FADS6: variants seen among roughly 807,000 people sequenced by gnomAD.
FADS6 encodes fatty acid desaturase domain family, member 6.
A neutral mutation model predicts 31.7 loss-of-function variants in FADS6; 28 were observed. The observed-to-expected ratio is 0.88, with a 90% CI of 0.66 to 1.21. The LOEUF is 1.21. FADS6 is among the 50% of genes most tolerant of loss of function. FADS6 has a pLI of 0.00. For missense variants in FADS6, 494 were observed against 504.2 expected (o/e 0.98, Z 0.19); for synonymous variants, 191 against 213.1 (o/e 0.90, Z 0.90).
Position 74,877,928 on chromosome 17 carries a change from G to A in FADS6, c.*403C>T. 3.0e-6 allele frequency: 3 copies of A among 995,134 alleles called. No homozygotes were observed. The highest frequency in any genetic ancestry group is 3.6e-6 in the Non-Finnish European group (3 of 836,760). The allele number at this position is 995,134 out of a possible 1,614,324, so 61.6% of individuals were successfully genotyped here. A position where few individuals can be genotyped will look rare whatever the true frequency, so the allele number is the denominator to read the frequency against. Reference sequence around the variant, plus strand: ...AATGCCAGGGAGGTCCCAGCCGAGGGAGCTGACCCTGTTCTCTCTGTGCCC... The same window carrying A: ...AATGCCAGGGAGGTCCCAGCCGAGGAAGCTGACCCTGTTCTCTCTGTGCCC... On this transcript the variant is annotated 3_prime_UTR_variant, in exon 6 of 6. Coordinates refer to ENST00000612771, the MANE Select transcript of FADS6 (RefSeq NM_178128.6).
At chr17:74,876,869 G>C (rs552704935), downstream of FADS6, among the ~76,000 whole-genome samples, 36 of 152,064 alleles carry the variant, frequency 2.4e-4, no homozygotes, top group Admixed American at 1.3e-3. Context: ...CTCCTTCTCT[G>C]TCTCTCCCTC....
chr17:74,888,317 TAAAA>T, intron 2 of FADS6, among the ~76,000 whole-genome samples: 1 of 152,200 alleles, frequency 6.6e-6, no homozygotes, highest in East Asian at 1.9e-4. Flanking sequence ...ATTTTAAAAA[TAAAA>T]AAGCTTTTAC....
In FADS6 at chr17:74,893,610, C is replaced by CCGTGGGTTCCAT; in HGVS notation, c.-16_-15insATGGAACCCACG. The CCGTGGGTTCCAT allele has an allele frequency of 7.5e-7, 1 of 1,332,724 alleles. No individual in the cohort carries two copies. Among genetic ancestry groups the CCGTGGGTTCCAT allele is most frequent in the Non-Finnish European group, 9.7e-7 (1 of 1,033,068 alleles). The allele number at this position is 1,332,724 out of a possible 1,614,324, so 82.6% of individuals were successfully genotyped here. On this transcript the variant is annotated 5_prime_UTR_variant, in exon 1 of 6. In the 5' UTR this introduces an upstream ATG that the reference lacks. Transcript: ENST00000612771. ...GTGGGTTCCATGGACTCTGTGGGCT[C>CCGTGGGTTCCAT]GGGCCCGACGCGCACGGAGGACTGG...
rs145096183 is a variant in FADS6 at position 74,878,426 on chromosome 17, C to A, written c.1012G>T (p.Glu338Ter). The A allele has an allele frequency of 3.1e-6, 5 of 1,613,904 alleles. No individual in the cohort carries two copies. In the African/African-American group the frequency reaches 5.3e-5, roughly 17 times the overall value. Residue 338 changes from glutamate to a stop codon, truncating the protein, a stop_gained, in exon 6 of 6, where the codon GAG (glutamate) becomes TAG (stop). Coordinates refer to ENST00000612771, the MANE Select transcript of FADS6 (RefSeq NM_178128.6). LOFTEE classifies it high-confidence loss of function. The stretch of plus-strand genomic sequence containing the variant: ...TGGAAGCGAGCCAGGTATGAGTCCT[C>A]GTTGTACGGTAGCTGCTTCTCACGT... ...FLREKQLPYN[E>*]DSYLARFQLF...
In FADS6 at chr17:74,882,569, G is replaced by C; in HGVS notation, c.553C>G (p.Pro185Ala). The C allele has an allele frequency of 1.2e-6, 2 of 1,612,320 alleles. No individual in the cohort carries two copies. Among genetic ancestry groups the C allele is most frequent in the Admixed American group, 1.7e-5 (1 of 59,840 alleles). ...GGAGTGGCGATGGGGAGGAGGAAAG[G>C]AGCAAGGAACATGTAGACATAGCGG... ...LNRYVYMFLA[P>A]FLLPIATPLV... Residue 185 changes from proline to alanine, a missense_variant, in exon 3 of 6, where the codon CCT becomes GCT. Physicochemically the swap from Pro to Ala is conservative, Grantham distance 27. Around this residue, in one of 2 missense-constraint regions of FADS6, gnomAD observed 454 missense variants for 438.5 expected, o/e 1.04. Coordinates refer to ENST00000612771, the MANE Select transcript of FADS6 (RefSeq NM_178128.6).
At chr17:74,876,600 C>T (rs547079071), downstream of FADS6, among the ~76,000 whole-genome samples, 54 of 152,204 alleles carry the variant, frequency 3.5e-4, no homozygotes, top group Admixed American at 7.9e-4. Context: ...AGTTCGAGAC[C>T]AGCTTGGGCA....
chr17:74,876,754 G>A (rs2144699482), downstream of FADS6, among the ~76,000 whole-genome samples: 1 of 152,190 alleles, frequency 6.6e-6, no homozygotes, highest in Non-Finnish European at 1.5e-5. Flanking sequence ...CTGAGATCAT[G>A]CCACTGCACT....
rs202243706 is a variant in FADS6, at chr17:74,881,100, C to T, written c.748G>A (p.Ala250Thr). The T allele has an allele frequency of 1.9e-4, 303 of 1,613,450 alleles. No individual in the cohort carries two copies. Among genetic ancestry groups the T allele is most frequent in the South Asian group, 2.5e-4 (23 of 90,992 alleles). Residue 250 changes from alanine to threonine, a missense_variant, in exon 4 of 6, where the codon GCC becomes ACC. Ala to Thr is a moderately conservative substitution (Grantham distance 58). Coordinates refer to ENST00000612771, the MANE Select transcript of FADS6 (RefSeq NM_178128.6). ...GCMFLTRSLL[A>T]HPYLHVNIFQ... ...ATGTTGACGTGGAGGTAGGGGTGGG[C>T]CAACAGGGATCTGGTGAGGAACATG...
chr17:74,877,671 A>T lies in FADS6; in HGVS notation c.*660T>A, dbSNP rs1006899743. ...CTTTCCCTAACTCTGTCCCTGGGGA[A>T]CCTTCTCCCCTCACTTCCCCTGGAG... On this transcript the variant is annotated 3_prime_UTR_variant, in exon 6 of 6. Coordinates refer to ENST00000612771, the MANE Select transcript of FADS6 (RefSeq NM_178128.6). 1.0e-6 allele frequency: 1 copy of T among 981,136 alleles called. No homozygotes were observed. The highest frequency in any genetic ancestry group is 6.2e-5 in the Admixed American group (1 of 16,242). 60.8% of individuals were successfully genotyped at this position (981,136 alleles called of 1,614,324 possible).
At chr17:74,883,574 C>G (rs545082283) in intron 2 of FADS6, among the ~76,000 whole-genome samples, 1 of 152,336 alleles carries the variant, frequency 6.6e-6, no homozygotes, top group Admixed American at 6.5e-5. Flanking sequence ...GCCCTTCACT[C>G]GCACACTTCC....
rs145734041 is a variant in FADS6, at chr17:74,890,280, G to C, written c.411+2243C>G. On this transcript the variant is annotated intron_variant, in intron 2 of 5. Coordinates refer to ENST00000612771, the MANE Select transcript of FADS6 (RefSeq NM_178128.6). Reference sequence around the variant, plus strand: ...CGCCGCCACCCTGTGTGGCAGACAAGACCAGCACCCTCCTCCAGCAGTGCA... The same window carrying C: ...CGCCGCCACCCTGTGTGGCAGACAACACCAGCACCCTCCTCCAGCAGTGCA... Among the ~76,000 whole-genome samples the C allele has an allele frequency of 2.6e-5, 4 of 152,268 alleles. No individual in the cohort carries two copies. The East Asian group carries it at 5.8e-4, about 22-fold the overall frequency.
At chr17:74,879,721 G>A in intron 4 of FADS6, 138 bp from the exon 5 acceptor site, 1 of 842,008 alleles carries the variant, frequency 1.2e-6, no homozygotes, top group Non-Finnish European at 1.8e-6. Context: ...GGGGCTCCTG[G>A]CCCAGCTCCG....
Position 74,878,235 on chromosome 17 carries a change from C to T in FADS6, c.*96G>A. 6.8e-7 allele frequency: 1 copy of T among 1,476,864 alleles called. No individual in the cohort carries two copies. The highest frequency in any genetic ancestry group is 9.0e-7 in the Non-Finnish European group (1 of 1,114,034). The allele number at this position is 1,476,864 out of a possible 1,614,324, so 91.5% of individuals were successfully genotyped here. A position where few individuals can be genotyped will look rare whatever the true frequency, so the allele number is the denominator to read the frequency against. ...CCGGTGCCTCCACTCTCCAGGTCCA[C>T]CACCAGCCACTGAGCCACACCCCCT... On this transcript the variant is annotated 3_prime_UTR_variant, in exon 6 of 6. Transcript: ENST00000612771.
At chr17:74,887,059 C>CTT (rs11385853) in intron 2 of FADS6, among the ~76,000 whole-genome samples, 2 of 113,806 alleles carry the variant, frequency 1.8e-5, no homozygotes, top group African/African-American at 3.3e-5. Context: ...ACACTCCAGT[C>CTT]TTTTTTTTTT....
downstream of FADS6, among the ~76,000 whole-genome samples, chr17:74,874,971 AG>A (rs1327171777): frequency 1.8e-4 from 27 of 152,300 alleles, no homozygotes; most frequent in Middle Eastern, 3.4e-3. Context: ...CTACATTATA[AG>A]CTCCATGAGG....
At chr17:74,884,805 T>G (rs779095148) in intron 2 of FADS6, among the ~76,000 whole-genome samples, 111 of 152,018 alleles carry the variant, frequency 7.3e-4, no homozygotes, top group Non-Finnish European at 1.4e-3. Context: ...CCTCCCGGGT[T>G]CAAGCGATTC....
intron 2 of FADS6, among the ~76,000 whole-genome samples, chr17:74,888,695 C>A (rs540558977): frequency 6.6e-6 from 1 of 152,184 alleles, no homozygotes; most frequent in Non-Finnish European, 1.5e-5. Context: ...GGATTTGAAG[C>A]GGAGACACCA....
intron 1 of FADS6, 31 bp downstream of exon 1, chr17:74,893,321 G>T: frequency 6.7e-7 from 1 of 1,499,864 alleles, no homozygotes; most frequent in Non-Finnish European, 8.8e-7. Context: ...CCCGCAGCCC[G>T]GCCGGGACGC....
In FADS6 at chr17:74,882,546, A is replaced by G; in HGVS notation, c.576T>C (p.Thr192=). 1 of 1,610,714 alleles carries G rather than the reference A, an allele frequency of 6.2e-7. No individual in the cohort carries two copies. Among genetic ancestry groups the G allele is most frequent in the African/African-American group, 1.3e-5 (1 of 75,008 alleles). ...FLAPFLLPIA[T]PLVAVERLRK... ...GGCACTCACCGACAGCCACCAGTGG[A>G]GTGGCGATGGGGAGGAGGAAAGGAG... The change falls in exon 3 of 6, where the codon ACT becomes ACC. Residue 192 remains threonine (T), a synonymous_variant. Coordinates refer to ENST00000612771, the MANE Select transcript of FADS6 (RefSeq NM_178128.6).
Sources: allele counts gnomAD v4.1 joint callset (sites outside exome capture counted in the v4.1 genomes callset), GRCh38; gene constraint gnomAD v4.1.1; regional missense constraint gnomAD v4.1.1; transcripts MANE v1.5; gene names NCBI Gene and HGNC (gene_info 2026-07-23, HGNC 2026-07-21).